Variants in KDM6A observed in about 807,000 individuals in gnomAD.
KDM6A encodes the protein lysine-specific demethylase 6A.
In KDM6A, 11 loss-of-function variants were observed where a neutral mutation model predicts 117.6. The ratio of observed to expected loss-of-function variants is 0.09; its 90% CI spans 0.06 to 0.15. The LOEUF (loss-of-function observed/expected upper bound fraction) is 0.15. Among genes scored for constraint, KDM6A ranks in the 10% least tolerant of loss-of-function variants. KDM6A has a pLI of 1.00. For missense variants in KDM6A, 799 were observed against 1,077.3 expected, an observed-to-expected ratio of 0.74 and a Z score of 3.62; for synonymous variants, 384 against 396.1, an observed-to-expected ratio of 0.97 and a Z score of 0.36.
chrX:45,041,068 C>A (rs2043143004), intron 8 of KDM6A, among the ~76,000 whole-genome samples: 1 of 75,839 alleles, frequency 1.3e-5, no homozygotes, highest in African/African-American at 5.6e-5. Context: ...CCAGTAGGGG[C>A]GGCCGGGCAG....
At chrX:44,998,082 A>G (rs2040953009) in intron 4 of KDM6A, among the ~76,000 whole-genome samples, 1 of 111,710 alleles carries the variant, frequency 9.0e-6, no homozygotes, top group South Asian at 3.7e-4. Context: ...TTTGCACTTC[A>G]TGTTTGAGTT....
intron 3 of KDM6A, among the ~76,000 whole-genome samples, chrX:44,967,060 C>A (rs969214208): frequency 9.1e-6 from 1 of 110,416 alleles, no homozygotes; most frequent in South Asian, 3.8e-4. Context: ...TTAGTAGAGA[C>A]GGGGTTTCAC....
rs747941440 is a variant in KDM6A at position 44,991,321 on chromosome X, TTCTC to T, written c.384+16620_384+16623del. 1.6e-4 allele frequency among the ~76,000 whole-genome samples: 18 copies of T among 109,400 alleles called. No individual in the cohort carries two copies. The South Asian group carries it at 2.7e-3, about 17-fold the overall frequency. On this transcript the variant is annotated intron_variant, in intron 4 of 29. Transcript: ENST00000611820. ...CTTATTCTCTTTTTTTCTTTTTCTC[TTCTC>T]TCTCTCTCTCTCTTTCTCTCTTTCT...
intron 4 of KDM6A, among the ~76,000 whole-genome samples, chrX:44,991,841 T>A (rs999155561): frequency 3.2e-4 from 31 of 98,295 alleles, no homozygotes; most frequent in Middle Eastern, 5.0e-3. Flanking sequence ...TGTGCACCAC[T>A]ACGCCTGACT....
At chrX:45,027,711 A>G (rs1321138420) in intron 6 of KDM6A, among the ~76,000 whole-genome samples, 1 of 111,586 alleles carries the variant, frequency 9.0e-6, no homozygotes, top group East Asian at 2.8e-4. Context: ...GAGTATTGGC[A>G]TATCATGGAA....
chrX:45,036,039 A>G (rs868566974), intron 7 of KDM6A, among the ~76,000 whole-genome samples: 7 of 112,342 alleles, frequency 6.2e-5, no homozygotes, highest in Middle Eastern at 4.6e-3. Context: ...AAATCGAGCA[A>G]TTAATGACAG....
chrX:45,084,075 G>A (rs549385657), intron 24 of KDM6A, among the ~76,000 whole-genome samples: 37 of 111,839 alleles, frequency 3.3e-4, no homozygotes, highest in South Asian at 3.0e-3. Flanking sequence ...GTAGGTTGCA[G>A]TTTTCTAAGT....
In KDM6A at chrX:45,019,672, T is replaced by C. The variant is rs145781736; in HGVS notation, c.444-938T>C. Among the ~76,000 whole-genome samples the C allele has an allele frequency of 5.9e-3, 659 of 111,819 alleles. 5 individuals carry two copies. Among genetic ancestry groups the C allele is most frequent in the African/African-American group, 0.02 (620 of 30,836 alleles). On this transcript the variant is annotated intron_variant, in intron 5 of 29. Transcript: ENST00000611820. Reference sequence around the variant, plus strand: ...AAGTTTTGCAAATAATATATTAGCTTGTGCTTGGAAGAAGCTTTAAATCAT... The same window carrying C: ...AAGTTTTGCAAATAATATATTAGCTCGTGCTTGGAAGAAGCTTTAAATCAT...
chrX:44,929,243 CTTTTTTTT>C (rs72030337), intron 2 of KDM6A, among the ~76,000 whole-genome samples: 24 of 82,867 alleles, frequency 2.9e-4, no homozygotes, highest in African/African-American at 1.0e-3. Flanking sequence ...GTCTAAGGGA[CTTTTTTTT>C]TTTTTTTTTT....
At chrX:45,065,714 A>G (rs2044502282) in intron 17 of KDM6A, among the ~76,000 whole-genome samples, 1 of 112,204 alleles carries the variant, frequency 8.9e-6, no homozygotes. Flanking sequence ...GGTATCACCA[A>G]TCAGTGAGAA....
intron 25 of KDM6A, among the ~76,000 whole-genome samples, chrX:45,087,510 G>A (rs983627874): frequency 4.4e-5 from 5 of 112,542 alleles, no homozygotes. Flanking sequence ...AGCTTCTAAT[G>A]TACTGATGAA....
chrX:45,004,321 G>T (rs921143338), intron 4 of KDM6A, among the ~76,000 whole-genome samples: 1 of 111,381 alleles, frequency 9.0e-6, no homozygotes, highest in East Asian at 2.9e-4. Context: ...CTGTCTAGAA[G>T]TACCTGGGTT....
rs1491191626 is a variant in KDM6A at position 45,076,678 on chromosome X, CCT to C, written c.2859-18_2859-17del. ...CCAAATAAATGTACAACTGATTATC[CCT>C]TTTTTTTTTTTTCCAGGAATCTAGG... is the stretch of plus-strand genomic sequence containing the variant. On this transcript the variant is annotated splice_polypyrimidine_tract_variant and intron_variant, in intron 18 of 29. Transcript: ENST00000611820. 3 of 974,270 alleles carry C rather than the reference CCT, an allele frequency of 3.1e-6. No homozygotes were observed. The highest frequency in any genetic ancestry group is 4.2e-6 in the Non-Finnish European group (3 of 719,585). 80.3% of individuals were successfully genotyped at this position (974,270 alleles called of 1,213,427 possible).
chrX:45,033,517 T>A (rs912025720), intron 6 of KDM6A, among the ~76,000 whole-genome samples: 4 of 111,603 alleles, frequency 3.6e-5, no homozygotes, highest in Non-Finnish European at 7.5e-5. Context: ...ATATTACAAG[T>A]GTTGGTCAGC....
chrX:44,898,897 C>G (rs1419142887), intron 2 of KDM6A, among the ~76,000 whole-genome samples: 1 of 106,278 alleles, frequency 9.4e-6, no homozygotes, highest in African/African-American at 3.5e-5. Flanking sequence ...CCAGTACCAC[C>G]TGGTGCAAAG....
At chrX:44,920,590 C>T (rs2035863357) in intron 2 of KDM6A, among the ~76,000 whole-genome samples, 1 of 109,740 alleles carries the variant, frequency 9.1e-6, no homozygotes, top group African/African-American at 3.3e-5. Context: ...AGGCGCCCGT[C>T]ACCACGCCTG....
At chrX:44,998,236 CAT>C (rs2040962557) in intron 4 of KDM6A, among the ~76,000 whole-genome samples, 1 of 111,257 alleles carries the variant, frequency 9.0e-6, no homozygotes, top group African/African-American at 3.3e-5. Flanking sequence ...CCTGGAGAAA[CAT>C]AGTAGGAATG....
In KDM6A at chrX:45,089,885, A is replaced by G. The variant is rs1391152009; in HGVS notation, c.3847A>G (p.Ile1283Val). 2.7e-5 allele frequency: 33 copies of G among 1,210,944 alleles called. No homozygotes were observed. Among genetic ancestry groups the G allele is most frequent in the Non-Finnish European group, 3.7e-5 (33 of 895,156 alleles). ...AGGCACTGTTCATTGGGTTCAGGCT[A>G]TTGGCTGGTGCAACAACATTGCTTG... Reference protein sequence around the residue: ...NAGTVHWVQAIGWCNNIAWNV... With the variant: ...NAGTVHWVQAVGWCNNIAWNV... Residue 1283 changes from isoleucine to valine, a missense_variant, in exon 26 of 30, where the codon ATT becomes GTT. Transcript: ENST00000611820.
At position 44,873,867 on chromosome X, in the gene KDM6A, G is replaced by C. The variant is rs1242240166; in HGVS notation, c.162-57G>C. ...CCGCTGGGGCCTCGGGCTCGGGCAG[G>C]GACGGGTCGGTGGCGTTCCCTGAGC... On this transcript the variant is annotated intron_variant, in intron 1 of 29. Transcript: ENST00000611820. The C allele has an allele frequency of 2.5e-5, 29 of 1,176,607 alleles. No homozygotes were observed. The East Asian group carries it at 8.5e-4, about 34-fold the overall frequency.
Sources: gnomAD v4.1 joint callset for allele counts (sites outside exome capture counted in the v4.1 genomes callset) on GRCh38, gnomAD v4.1.1 for gene constraint, MANE v1.5 for transcripts, NCBI Gene and HGNC (gene_info 2026-07-23, HGNC 2026-07-21) for gene names.